LAMA1: variants seen among roughly 807,000 people sequenced by gnomAD.
The protein encoded by LAMA1 is laminin subunit alpha 1.
In LAMA1, 219 loss-of-function variants were observed where a neutral mutation model predicts 348.7. The observed-to-expected ratio is 0.63, with a 90% CI of 0.56 to 0.70. LAMA1 has a LOEUF of 0.70. LAMA1 is among the 30% of genes least tolerant of loss of function. The pLI, the probability that LAMA1 is intolerant of heterozygous loss-of-function variation, is 0.00. For synonymous variants in LAMA1, 1,487 were observed against 1,491.0 expected, an observed-to-expected ratio of 1.00 and a Z score of 0.06; for missense variants, 3,744 against 3,888.0, an observed-to-expected ratio of 0.96 and a Z score of 0.99.
At chr18:6,991,665 C>T (rs2057759348) in intron 36 of LAMA1, among the ~76,000 whole-genome samples, 1 of 152,124 alleles carries the variant, frequency 6.6e-6, no homozygotes, top group African/African-American at 2.4e-5. Flanking sequence ...GCTGGGATTA[C>T]ATGCGTGAGC....
rs375491624 is a variant in LAMA1 at position 7,085,654 on chromosome 18, C to G, written c.62-5197G>C. 7.4e-3 allele frequency among the ~76,000 whole-genome samples: 1,127 copies of G among 152,030 alleles called. 4 individuals are homozygous for G. The highest frequency in any genetic ancestry group is 0.017 in the Admixed American group (257 of 15,248). ...AGGATGGTCTCGATCTCCTGACTTCCTGATCCGCCCGCCTCAGCCTCCCAA... is the reference window on the plus strand; with the variant it reads ...AGGATGGTCTCGATCTCCTGACTTCGTGATCCGCCCGCCTCAGCCTCCCAA... On this transcript the variant is annotated intron_variant, in intron 1 of 62. Coordinates refer to ENST00000389658, the MANE Select transcript of LAMA1 (RefSeq NM_005559.4).
chr18:7,026,786 A>G (rs1274944341), intron 16 of LAMA1, among the ~76,000 whole-genome samples: 2 of 151,816 alleles, frequency 1.3e-5, no homozygotes, highest in Non-Finnish European at 2.9e-5. Context: ...TTGCGAGGTC[A>G]GGAGATCAAC....
At chr18:6,957,469 T>C (rs951475658) in intron 55 of LAMA1, 6 of 152,858 alleles carry the variant, frequency 3.9e-5, no homozygotes, top group Non-Finnish European at 8.8e-5. Flanking sequence ...TATGTTTTAT[T>C]CTTGCAAATT....
At chr18:6,948,593 T>G in intron 59 of LAMA1, 37 bp from the exon 60 acceptor site, 1 of 1,613,562 alleles carries the variant, frequency 6.2e-7, no homozygotes, top group Non-Finnish European at 8.5e-7. Context: ...ACAGTGGTGA[T>G]TCTAATGGGA....
chr18:7,034,718 A>G, intron 13 of LAMA1, 28 bp from the exon 14 acceptor site: 1 of 1,577,286 alleles, frequency 6.3e-7, no homozygotes, highest in Non-Finnish European at 8.7e-7. Context: ...GAGAAAATAT[A>G]TTTGTCATTC....
At chr18:7,069,237 C>G (rs918364924) in intron 3 of LAMA1, among the ~76,000 whole-genome samples, 2 of 152,174 alleles carry the variant, frequency 1.3e-5, no homozygotes, top group African/African-American at 2.4e-5. Context: ...AACAAAAACT[C>G]CATCTTGTTC....
Position 6,950,735 on chromosome 18 carries a change from T to C in LAMA1, c.8397+47A>G, listed in dbSNP as rs57859581. On this transcript the variant is annotated intron_variant, in intron 58 of 62. Transcript: ENST00000389658. ...AAATGGAGTGAACCCGAGTGATAGA[T>C]GGAACAGAACTCAGAAGCAGCCACC... 7.8e-3 allele frequency: 12,518 copies of C among 1,601,080 alleles called. 837 individuals carry two copies. In the African/African-American group the frequency reaches 0.14, roughly 18 times the overall value.
chr18:7,032,132 T>A lies in LAMA1; in HGVS notation c.2208A>T (p.Gly736=), dbSNP rs766507201. Residue 736 remains glycine (G), a synonymous_variant, in exon 16 of 63, where the codon GGA becomes GGT. Coordinates refer to ENST00000389658, the MANE Select transcript of LAMA1 (RefSeq NM_005559.4). ...GGCATTCACAGGGTTGACAAATTCC[T>A]CCAAAGAGTATTCCATCCACGCGGT... The part of the protein sequence containing the change: ...GYYRVDGILF[G]GICQPCECHG... The A allele has an allele frequency of 6.2e-7, 1 of 1,614,146 alleles. No homozygotes were observed. Among genetic ancestry groups the A allele is most frequent in the Non-Finnish European group, 8.5e-7 (1 of 1,180,018 alleles).
intron 39 of LAMA1, 85 bp downstream of exon 39, chr18:6,985,152 C>T (rs1178096659): frequency 2.6e-5 from 39 of 1,482,220 alleles, no homozygotes; most frequent in Non-Finnish European, 3.5e-5. Flanking sequence ...GGAAGAGTGA[C>T]CCATCACTGT....
At position 7,010,333 on chromosome 18, in the gene LAMA1, T is replaced by C. The variant is rs1212667049; in HGVS notation, c.3740A>G (p.Asp1247Gly). 3.1e-6 allele frequency: 5 copies of C among 1,614,170 alleles called. No individual in the cohort carries two copies. The African/African-American group carries it at 6.7e-5, about 22-fold the overall frequency. ...CTCAAAATTGGAGGTGCCGACGCCA[T>C]CCAAAGAATAGAAGGCCACGCTGTA... The part of the protein sequence containing the change: ...LKYSVAFYSL[D>G]GVGTSNFEPQ... The change falls in exon 26 of 63, where the codon GAT becomes GGT. Residue 1247 changes from aspartate to glycine, a missense_variant. By Grantham distance (94) the Asp-to-Gly change is moderately conservative. Transcript: ENST00000389658.
chr18:7,016,530 C>T lies in LAMA1; in HGVS notation c.2950G>A (p.Ala984Thr), dbSNP rs1568032260. The T allele has an allele frequency of 6.2e-7, 1 of 1,614,198 alleles. No homozygotes were observed. The highest frequency in any genetic ancestry group is 8.5e-7 in the Non-Finnish European group (1 of 1,180,036). ...GVAGKRCDRCAHGFYAYQDGS... is the reference protein window; with the variant it reads ...GVAGKRCDRCTHGFYAYQDGS... Reference sequence around the variant, plus strand: ...TCCTGGTAGGCGTAGAAGCCATGGGCACACCTGTCACACCTTTTCCCTGCC... The same window carrying T: ...TCCTGGTAGGCGTAGAAGCCATGGGTACACCTGTCACACCTTTTCCCTGCC... The change falls in exon 21 of 63, where the codon GCC becomes ACC. Residue 984 changes from alanine to threonine, a missense_variant. This residue lies in a region of LAMA1 where 1,529 missense variants were observed against 1,689.4 expected (regional missense o/e 0.91). Coordinates refer to ENST00000389658, the MANE Select transcript of LAMA1 (RefSeq NM_005559.4).
intron 42 of LAMA1, among the ~76,000 whole-genome samples, chr18:6,980,094 G>A (rs568748028): frequency 3.2e-4 from 49 of 152,268 alleles, no homozygotes; most frequent in African/African-American, 1.1e-3. Flanking sequence ...ATGTTTTACT[G>A]CCTCACTGAG....
At chr18:7,105,477 TAAAC>T (rs72149648) in intron 1 of LAMA1, among the ~76,000 whole-genome samples, 24,499 of 139,740 alleles carry the variant, frequency 0.18, 2,258 homozygotes, top group East Asian at 0.28. Flanking sequence ...AATAAATAAA[TAAAC>T]AAACAAGAGC....
chr18:6,979,805 A>T (rs1014407398), intron 42 of LAMA1, among the ~76,000 whole-genome samples: 22 of 152,132 alleles, frequency 1.4e-4, no homozygotes, highest in Non-Finnish European at 1.9e-4. Context: ...AGGCTGAGGC[A>T]GGAGAATGGT....
At chr18:7,061,028 G>C (rs914232808) in intron 3 of LAMA1, among the ~76,000 whole-genome samples, 2 of 152,150 alleles carry the variant, frequency 1.3e-5, no homozygotes, top group African/African-American at 4.8e-5. Context: ...GCATGGTGGT[G>C]CATGCCTTTG....
chr18:7,033,142 T>A, intron 14 of LAMA1, 47 bp from the exon 15 acceptor site: 1 of 1,298,212 alleles, frequency 7.7e-7, no homozygotes, highest in Non-Finnish European at 1.1e-6. Context: ...CGCAAATACA[T>A]CTCACATCTC....
chr18:7,007,236 C>A lies in LAMA1; in HGVS notation c.4163G>T (p.Gly1388Val). Residue 1388 changes from glycine to valine, a missense_variant, in exon 29 of 63, where the codon GGG (glycine) becomes GTG (valine). Around this residue, in one of 3 missense-constraint regions of LAMA1, gnomAD observed 1,983 missense variants for 1,934.3 expected, o/e 1.03. Transcript: ENST00000389658. ...CAGAGGGCGTGGTCCCCTGTCACTC[C>A]CTGCTGGGAGCTTCCCTCTGTGGTA... ...PGYHRGKLPA[G>V]SDRGPRPLVA... 1 of 1,614,100 alleles carries A rather than the reference C, an allele frequency of 6.2e-7. No individual in the cohort carries two copies. Among genetic ancestry groups the A allele is most frequent in the Non-Finnish European group, 8.5e-7 (1 of 1,180,030 alleles).
At chr18:6,960,674 T>TAAAAAAAA (rs1352926000) in intron 53 of LAMA1, 1 of 139,734 alleles carries the variant, frequency 7.2e-6, no homozygotes, top group African/African-American at 2.8e-5. Context: ...TCAGCTCAAC[T>TAAAAAAAA]ACAAAAAAAA....
intron 16 of LAMA1, among the ~76,000 whole-genome samples, chr18:7,026,558 T>C (rs1294962715): frequency 6.6e-6 from 1 of 152,196 alleles, no homozygotes; most frequent in Non-Finnish European, 1.5e-5. Flanking sequence ...TCAGAATTAA[T>C]ATCACCAGTG....
Sources: gnomAD v4.1 joint callset for allele counts (sites outside exome capture counted in the v4.1 genomes callset) on GRCh38, gnomAD v4.1.1 for gene constraint, gnomAD v4.1.1 regional missense constraint, MANE v1.5 for transcripts, NCBI Gene and HGNC (gene_info 2026-07-23, HGNC 2026-07-21) for gene names.